Variants in NFIA observed in about 807,000 individuals in gnomAD.
The protein encoded by NFIA is nuclear factor 1 A-type.
A neutral mutation model predicts 62.8 loss-of-function variants in NFIA; 8 were observed. The observed-to-expected ratio is 0.13, with a 90% confidence interval of 0.07 to 0.23. The LOEUF (loss-of-function observed/expected upper bound fraction) is 0.23, where lower values mean the gene tolerates loss of function less well. Ranked by LOEUF, NFIA falls within the 10% of genes least tolerant of loss-of-function variation. NFIA has a pLI of 1.00. For synonymous variants in NFIA, 235 were observed against 238.1 expected (o/e 0.99, Z 0.12); for missense variants, 410 against 642.1 (o/e 0.64, Z 3.91).
intron 2 of NFIA, among the ~76,000 whole-genome samples, chr1:61,089,307 T>C (rs1557556835): frequency 6.6e-6 from 1 of 152,210 alleles, no homozygotes; most frequent in East Asian, 1.9e-4. Context: ...AACCAACCTG[T>C]ATATTGCATG....
chr1:61,132,621 T>C (rs1463795515), intron 2 of NFIA: 1 of 152,084 alleles, frequency 6.6e-6, no homozygotes, highest in East Asian at 1.9e-4. Context: ...TGTTGCTGGC[T>C]AAAAAGACAA....
At chr1:61,176,338 G>T (rs995262799) in intron 2 of NFIA, among the ~76,000 whole-genome samples, 1 of 152,090 alleles carries the variant, frequency 6.6e-6, no homozygotes. Flanking sequence ...GGGCGTAAAC[G>T]TAGTATGCAG....
intron 2 of NFIA, among the ~76,000 whole-genome samples, chr1:61,113,276 A>G (rs1014113529): frequency 1.3e-5 from 2 of 151,736 alleles, no homozygotes; most frequent in Non-Finnish European, 2.9e-5. Context: ...CTTCTTAGGG[A>G]CATTTTTAAA....
rs112749779 is a variant in NFIA at position 61,182,742 on chromosome 1, C to T, written c.559+94062C>T. On this transcript the variant is annotated intron_variant, in intron 2 of 10. Transcript: ENST00000403491. Reference sequence around the variant, plus strand: ...CTTCATATTCCCCGAAGTTTTTGTCCAGTTTTCTGTATAGCTTTTTGGTTC... The same window carrying T: ...CTTCATATTCCCCGAAGTTTTTGTCTAGTTTTCTGTATAGCTTTTTGGTTC... 4.4e-3 allele frequency among the ~76,000 whole-genome samples: 665 copies of T among 152,208 alleles called. 3 individuals carry two copies. Among genetic ancestry groups the T allele is most frequent in the African/African-American group, 0.015 (643 of 41,532 alleles).
At chr1:61,243,783 T>C (rs1385118258) in intron 2 of NFIA, among the ~76,000 whole-genome samples, 1 of 152,220 alleles carries the variant, frequency 6.6e-6, no homozygotes, top group Non-Finnish European at 1.5e-5. Flanking sequence ...AGGCATATTT[T>C]TGCAAATTCC....
chr1:61,336,618 A>G (rs1248127944), intron 4 of NFIA, among the ~76,000 whole-genome samples: 1 of 152,162 alleles, frequency 6.6e-6, no homozygotes, highest in Non-Finnish European at 1.5e-5. Context: ...CTATTATGGT[A>G]TCATATGGAA....
intron 2 of NFIA, among the ~76,000 whole-genome samples, chr1:61,160,703 A>G (rs939135163): frequency 1.4e-4 from 22 of 152,348 alleles, no homozygotes; most frequent in African/African-American, 5.3e-4. Flanking sequence ...TTAGTAGCCC[A>G]CAAACGCTGA....
Position 61,088,300 on chromosome 1 carries a change from T to C in NFIA, c.179T>C (p.Leu60Ser). The C allele has an allele frequency of 6.2e-7, 1 of 1,613,230 alleles. No individual in the cohort carries two copies. The highest frequency in any genetic ancestry group is 8.5e-7 in the Non-Finnish European group (1 of 1,179,856). Residue 60 changes from leucine to serine, a missense_variant, in exon 2 of 11, where the codon TTG becomes TCG. This residue lies in a region of NFIA where 86 missense variants were observed against 124.6 expected (regional missense o/e 0.69). Coordinates refer to ENST00000403491, the MANE Select transcript of NFIA (RefSeq NM_001134673.4). The surrounding 1 kb of genome is among the most constrained non-coding windows in gnomAD (Gnocchi z 4.5). ...GAAGAGAGAGCCGTGAAGGATGAAT[T>C]GCTAAGTGAAAAACCAGAGGTCAAG... ...KEEERAVKDE[L>S]LSEKPEVKQK... is the part of the protein sequence containing the mutation.
chr1:61,457,549 C>T lies in NFIA; in HGVS notation c.*2229C>T, dbSNP rs1381348728. 1 of 152,154 alleles carries T rather than the reference C, an allele frequency of 6.6e-6. No individual in the cohort carries two copies. The highest frequency in any genetic ancestry group is 1.9e-4 in the East Asian group (1 of 5,198). 9.4% of individuals were successfully genotyped at this position (152,154 alleles called of 1,614,324 possible). ...CATTTTACAATTTATTTGGAGTCTTCCTTTATTTTCCCCCAGATATATGAA... is the reference window on the plus strand; with the variant it reads ...CATTTTACAATTTATTTGGAGTCTTTCTTTATTTTCCCCCAGATATATGAA... On this transcript the variant is annotated 3_prime_UTR_variant, in exon 11 of 11. Coordinates refer to ENST00000403491, the MANE Select transcript of NFIA (RefSeq NM_001134673.4). This position sits in a 1 kb window ranked among gnomAD's most constrained non-coding sequence, Gnocchi z 4.2.
chr1:61,103,896 A>C (rs1007243657), intron 2 of NFIA, among the ~76,000 whole-genome samples: 1 of 152,164 alleles, frequency 6.6e-6, no homozygotes, highest in Non-Finnish European at 1.5e-5. Context: ...CAAAGGTCTG[A>C]TGATGCTAGA....
At chr1:61,285,634 G>A (rs548147875) in intron 3 of NFIA, among the ~76,000 whole-genome samples, 1 of 152,176 alleles carries the variant, frequency 6.6e-6, no homozygotes, top group Admixed American at 6.5e-5. Context: ...TTAGCTTGTC[G>A]TTAAGGAAAT....
chr1:61,083,068 C>A (rs1557551471), intron 1 of NFIA, among the ~76,000 whole-genome samples: 1 of 152,140 alleles, frequency 6.6e-6, no homozygotes, highest in Non-Finnish European at 1.5e-5. Context: ...TTTGTGTGGG[C>A]ACATGGCTAA....
At chr1:61,292,141 C>T (rs928793996) in intron 3 of NFIA, among the ~76,000 whole-genome samples, 1 of 152,096 alleles carries the variant, frequency 6.6e-6, no homozygotes, top group Non-Finnish European at 1.5e-5. Flanking sequence ...TAGAAATAAA[C>T]TTATCGTTTT....
chr1:61,103,863 G>A (rs1646552561), intron 2 of NFIA, among the ~76,000 whole-genome samples: 2 of 152,098 alleles, frequency 1.3e-5, no homozygotes, highest in African/African-American at 4.8e-5. Context: ...TTATTGACAT[G>A]TAAGTAATTA....
At position 61,420,224 on chromosome 1, in the gene NFIA, A is replaced by G. The variant is rs1048057589; in HGVS notation, c.1421-6241A>G. ...TTCTTTGAAGGAGAAACACTCCAAT[A>G]CTTTCTAGCATTTCTTTTGTGACCT... On this transcript the variant is annotated intron_variant, in intron 9 of 10. Transcript: ENST00000403491. 2.6e-5 allele frequency among the ~76,000 whole-genome samples: 4 copies of G among 152,228 alleles called. No homozygotes were observed. In the South Asian group the frequency reaches 8.3e-4, roughly 32 times the overall value.
intron 2 of NFIA, among the ~76,000 whole-genome samples, chr1:61,179,173 T>C (rs901639930): frequency 2.0e-5 from 3 of 152,236 alleles, no homozygotes; most frequent in African/African-American, 7.2e-5. Flanking sequence ...GTGAGCAGCA[T>C]GTGGGGAGGA....
intron 4 of NFIA, among the ~76,000 whole-genome samples, chr1:61,343,632 A>G (rs1343281089): frequency 6.6e-6 from 1 of 152,212 alleles, no homozygotes; most frequent in Non-Finnish European, 1.5e-5. Context: ...CCTTTTTTTA[A>G]TGTTCCTGTT....
At chr1:61,118,238 A>G (rs1375020614) in intron 2 of NFIA, among the ~76,000 whole-genome samples, 2 of 152,158 alleles carry the variant, frequency 1.3e-5, no homozygotes, top group Non-Finnish European at 1.5e-5. Flanking sequence ...GTCTGGCTAA[A>G]GAAAGGAAAA....
chr1:61,347,236 C>T (rs569396520), intron 4 of NFIA, among the ~76,000 whole-genome samples: 96 of 135,168 alleles, frequency 7.1e-4, no homozygotes, highest in African/African-American at 2.5e-3. Context: ...TGCAGTGGCA[C>T]GATCTGGGCT....
Sources: allele counts gnomAD v4.1 joint callset (sites outside exome capture counted in the v4.1 genomes callset), GRCh38; gene constraint gnomAD v4.1.1; regional missense constraint gnomAD v4.1.1; non-coding constraint Gnocchi (gnomAD v3.1); transcripts MANE v1.5; gene names NCBI Gene and HGNC (gene_info 2026-07-23, HGNC 2026-07-21).